PVT1: variants seen among roughly 807,000 people sequenced by gnomAD.
PVT1 encodes the protein Pvt1 oncogene, also known as CXCR4/PVT1 fusion.
At chr8:127,992,995 C>T (rs1396507242) in intron 4 of PVT1, among the ~76,000 whole-genome samples, 1 of 152,234 alleles carries the variant, frequency 6.6e-6, no homozygotes, top group Non-Finnish European at 1.5e-5. Context: ...TTAAAGAACT[C>T]CTGGCCCACT....
chr8:128,005,792 C>T (rs139695834), intron 4 of PVT1, among the ~76,000 whole-genome samples: 96 of 152,214 alleles, frequency 6.3e-4, no homozygotes, highest in African/African-American at 2.1e-3. Context: ...GGGTGATGAA[C>T]AGGACCAACA....
chr8:128,014,588 A>C (rs747285334), intron 4 of PVT1, among the ~76,000 whole-genome samples: 4 of 152,190 alleles, frequency 2.6e-5, no homozygotes, highest in Non-Finnish European at 5.9e-5. Flanking sequence ...CTGATAATGA[A>C]CCGAACAGAG....
intron 3 of PVT1, among the ~76,000 whole-genome samples, chr8:127,949,870 G>A (rs1424435399): frequency 6.6e-6 from 1 of 152,230 alleles, no homozygotes; most frequent in African/African-American, 2.4e-5. Context: ...TGGGGGCCAG[G>A]CCAGGCATCG....
intron 3 of PVT1, among the ~76,000 whole-genome samples, chr8:127,983,506 G>A (rs1296413908): frequency 6.6e-6 from 1 of 151,926 alleles, no homozygotes; most frequent in Non-Finnish European, 1.5e-5. Flanking sequence ...TTTAAAACTT[G>A]CAGAAAAAAA....
intron 2 of PVT1, among the ~76,000 whole-genome samples, chr8:127,859,927 T>A (rs1443590353): frequency 6.6e-6 from 1 of 151,970 alleles, no homozygotes; most frequent in African/African-American, 2.4e-5. Context: ...GGGAGATCAC[T>A]TTCTCTTCCC....
intron 5 of PVT1, among the ~76,000 whole-genome samples, chr8:128,082,281 A>G (rs1219021404): frequency 2.6e-5 from 4 of 152,232 alleles, no homozygotes; most frequent in African/African-American, 9.6e-5. Context: ...TCGGGGTGCT[A>G]CAGCTTTCAG....
chr8:127,929,379 G>A (rs1351272777), intron 3 of PVT1, among the ~76,000 whole-genome samples: 1 of 152,074 alleles, frequency 6.6e-6, no homozygotes, highest in Non-Finnish European at 1.5e-5. Flanking sequence ...GGTGTGGGTT[G>A]TCATCACAGT....
chr8:127,906,260 C>G (rs1394189465), intron 3 of PVT1, among the ~76,000 whole-genome samples: 2 of 152,112 alleles, frequency 1.3e-5, no homozygotes, highest in Admixed American at 1.3e-4. Context: ...CTAAGGGAAC[C>G]TTGAGAGCCA....
chr8:127,805,132 G>A (rs373417799), intron 2 of PVT1, among the ~76,000 whole-genome samples: 9 of 151,478 alleles, frequency 5.9e-5, no homozygotes, highest in African/African-American at 7.3e-5. Context: ...GTTTCTCCAC[G>A]TTGGTCAGGC....
At chr8:127,889,107 C>T in intron 2 of PVT1, among the ~76,000 whole-genome samples, 1 of 148,516 alleles carries the variant, frequency 6.7e-6, no homozygotes, top group East Asian at 2.0e-4. Flanking sequence ...TTCCCTCCTT[C>T]CTTCCCTCTC....
At chr8:127,980,791 C>CTTTTTTTTTTTTTTT (rs11361552) in intron 3 of PVT1, among the ~76,000 whole-genome samples, 2 of 120,416 alleles carry the variant, frequency 1.7e-5, no homozygotes, top group Non-Finnish European at 3.4e-5. Context: ...ACTACAGCTT[C>CTTTTTTTTTTTTTTT]TTTTTTTTTT....
intron 3 of PVT1, among the ~76,000 whole-genome samples, chr8:127,932,307 G>C (rs552902359): frequency 6.6e-6 from 1 of 152,320 alleles, no homozygotes; most frequent in East Asian, 1.9e-4. Flanking sequence ...GTCTGCTTTA[G>C]GTTTGATCTC....
At chr8:128,046,589 C>G (rs1813615763) in intron 4 of PVT1, among the ~76,000 whole-genome samples, 2 of 152,174 alleles carry the variant, frequency 1.3e-5, no homozygotes, top group African/African-American at 2.4e-5. Flanking sequence ...TGCTCTGGAG[C>G]CTACACAGCC....
chr8:127,846,505 A>G (rs1246634106), intron 2 of PVT1, among the ~76,000 whole-genome samples: 1 of 152,110 alleles, frequency 6.6e-6, no homozygotes, highest in East Asian at 1.9e-4. Context: ...CTTCCTTTAC[A>G]TGTGAGCATT....
At chr8:127,797,386 C>T (rs1262176975) in intron 2 of PVT1, among the ~76,000 whole-genome samples, 4 of 152,066 alleles carry the variant, frequency 2.6e-5, no homozygotes, top group African/African-American at 9.7e-5. Flanking sequence ...GGGATCAGGA[C>T]CACACCCCCC....
At chr8:127,906,525 G>A (rs1166978220) in intron 3 of PVT1, among the ~76,000 whole-genome samples, 2 of 152,174 alleles carry the variant, frequency 1.3e-5, no homozygotes, top group African/African-American at 4.8e-5. Flanking sequence ...TGAGCAGATT[G>A]TAACTCTTTG....
At chr8:128,037,451 G>A (rs1204270853) in intron 4 of PVT1, among the ~76,000 whole-genome samples, 1 of 152,196 alleles carries the variant, frequency 6.6e-6, no homozygotes, top group Non-Finnish European at 1.5e-5. Flanking sequence ...CATTGTTATT[G>A]TGTTGTTGCA....
At chr8:128,066,003 A>G (rs556227679) in intron 4 of PVT1, among the ~76,000 whole-genome samples, 6 of 152,380 alleles carry the variant, frequency 3.9e-5, no homozygotes, top group African/African-American at 1.4e-4. Context: ...CAATTAAGGC[A>G]TTTCAGTTAA....
rs192342192 is a variant in PVT1, at chr8:127,871,907, G to A, written n.373-18682G>A. 4.8e-4 allele frequency among the ~76,000 whole-genome samples: 73 copies of A among 152,248 alleles called. 1 individual carries two copies. Among genetic ancestry groups the A allele is most frequent in the African/African-American group, 1.7e-3 (71 of 41,558 alleles). On this transcript the variant is annotated intron_variant and non_coding_transcript_variant, in intron 2 of 10. Coordinates refer to ENST00000651587, the Ensembl canonical transcript of PVT1. The stretch of plus-strand genomic sequence containing the variant: ...AGTTGGAGACCAACCTGGCCAACAT[G>A]GCAAAACCCCGTCTCCACTAAAAAT...
Sources: gnomAD v4.1 joint callset for allele counts (sites outside exome capture counted in the v4.1 genomes callset) on GRCh38, gnomAD v4.1.1 for gene constraint, MANE v1.5 for transcripts, NCBI Gene and HGNC (gene_info 2026-07-23, HGNC 2026-07-21) for gene names.